Variants in FOXP1 observed in about 807,000 individuals in gnomAD.
The protein encoded by FOXP1 is forkhead box protein P1.
In FOXP1, 15 loss-of-function variants were observed where a neutral mutation model predicts 98.2. The observed-to-expected ratio is 0.15, with a 90% CI of 0.10 to 0.24. The LOEUF is 0.24. Among genes scored for constraint, FOXP1 ranks in the 10% least tolerant of loss-of-function variants. The probability of loss-of-function intolerance (pLI) is 1.00; values close to 1 mark genes in which losing one functional copy is unlikely to be tolerated. For missense variants in FOXP1, 633 were observed against 848.5 expected, an observed-to-expected ratio of 0.75 and a Z score of 3.15; for synonymous variants, 371 against 314.5, an observed-to-expected ratio of 1.18 and a Z score of -1.90.
intron 5 of FOXP1, among the ~76,000 whole-genome samples, chr3:71,200,834 C>A (rs1394270887): frequency 6.6e-6 from 1 of 152,194 alleles, no homozygotes; most frequent in Admixed American, 6.5e-5. Flanking sequence ...TGGATGAAGT[C>A]TGTTTTCTAC....
chr3:71,179,014 A>AAAC (rs1248761935), intron 6 of FOXP1, among the ~76,000 whole-genome samples: 1 of 151,600 alleles, frequency 6.6e-6, no homozygotes, highest in Admixed American at 6.6e-5. Context: ...TCTGTCTAAA[A>AAAC]AAAAAAAAAA....
chr3:71,456,763 C>G (rs1188002208), intron 3 of FOXP1, among the ~76,000 whole-genome samples: 5 of 151,298 alleles, frequency 3.3e-5, no homozygotes, highest in Admixed American at 2.6e-4. Context: ...GGTAATTCTA[C>G]TATCAAAAGC....
chr3:71,120,702 G>A (rs2058698476), intron 6 of FOXP1, among the ~76,000 whole-genome samples: 1 of 152,184 alleles, frequency 6.6e-6, no homozygotes, highest in Non-Finnish European at 1.5e-5. Flanking sequence ...CGTGGGGACG[G>A]TGGGGAAGAG....
intron 3 of FOXP1, among the ~76,000 whole-genome samples, chr3:71,400,794 A>G (rs1346672082): frequency 6.6e-6 from 1 of 152,234 alleles, no homozygotes. Flanking sequence ...AATCTCCCAG[A>G]TCAATGACCT....
At chr3:71,483,513 C>T (rs2090437212) in intron 3 of FOXP1, among the ~76,000 whole-genome samples, 1 of 152,136 alleles carries the variant, frequency 6.6e-6, no homozygotes, top group Non-Finnish European at 1.5e-5. Flanking sequence ...AGTTTTTACT[C>T]TTAAAGGGCT....
chr3:71,150,425 G>A (rs376486779), intron 6 of FOXP1, among the ~76,000 whole-genome samples: 18 of 151,238 alleles, frequency 1.2e-4, no homozygotes, highest in African/African-American at 1.7e-4. Flanking sequence ...GTGTCTATCC[G>A]CCACTTCTCT....
chr3:71,268,061 A>T (rs1389156954), intron 5 of FOXP1, among the ~76,000 whole-genome samples: 6 of 133,142 alleles, frequency 4.5e-5, no homozygotes, highest in Admixed American at 1.5e-4. Flanking sequence ...TTTTAAAATT[A>T]TTTCAGCTTC....
At chr3:71,160,479 A>C (rs76457295) in intron 6 of FOXP1, among the ~76,000 whole-genome samples, 3 of 152,238 alleles carry the variant, frequency 2.0e-5, no homozygotes, top group African/African-American at 7.2e-5. Flanking sequence ...TGTGAAAATC[A>C]AGTGATAAAC....
intron 7 of FOXP1, among the ~76,000 whole-genome samples, chr3:71,079,970 G>A (rs2054234319): frequency 6.6e-6 from 1 of 152,148 alleles, no homozygotes; most frequent in Non-Finnish European, 1.5e-5. Context: ...TAAAAATAAT[G>A]CCTAGAAAGT....
intron 2 of FOXP1, among the ~76,000 whole-genome samples, chr3:71,497,157 C>T (rs762163272): frequency 4.6e-5 from 7 of 150,786 alleles, no homozygotes; most frequent in Non-Finnish European, 8.9e-5. Context: ...AGTACAGAGG[C>T]AAAAACAAAA....
intron 6 of FOXP1, among the ~76,000 whole-genome samples, chr3:71,174,787 C>A (rs770889265): frequency 2.9e-4 from 33 of 114,698 alleles, no homozygotes; most frequent in Non-Finnish European, 5.7e-4. Context: ...CACATGCATA[C>A]ACACACACAC....
chr3:71,138,865 A>T (rs1036688500), intron 6 of FOXP1, among the ~76,000 whole-genome samples: 2 of 152,162 alleles, frequency 1.3e-5, no homozygotes, highest in Non-Finnish European at 2.9e-5. Flanking sequence ...CAACCAAGTC[A>T]AATTACCCTC....
intron 3 of FOXP1, among the ~76,000 whole-genome samples, chr3:71,471,529 A>C (rs2089345743): frequency 6.6e-6 from 1 of 152,190 alleles, no homozygotes; most frequent in South Asian, 2.1e-4. Context: ...TAGTCATTCC[A>C]CAAAGGATTC....
chr3:71,342,474 A>G (rs901236675), intron 4 of FOXP1, among the ~76,000 whole-genome samples: 1 of 152,102 alleles, frequency 6.6e-6, no homozygotes, highest in Non-Finnish European at 1.5e-5. Flanking sequence ...GTTCGAGAAC[A>G]GCCTGATCAG....
intron 4 of FOXP1, chr3:71,334,264 C>G (rs1173607704): frequency 6.6e-6 from 1 of 152,058 alleles, no homozygotes; most frequent in Non-Finnish European, 1.5e-5. Flanking sequence ...AAAAATTAGC[C>G]AGGCGTGGTG....
intron 3 of FOXP1, among the ~76,000 whole-genome samples, chr3:71,421,684 C>T (rs1245219052): frequency 6.6e-6 from 1 of 152,192 alleles, no homozygotes; most frequent in Non-Finnish European, 1.5e-5. Flanking sequence ...CCGCTGGTCT[C>T]AGGACCTCCT....
chr3:71,318,053 C>T (rs1234757783), intron 4 of FOXP1, among the ~76,000 whole-genome samples: 1 of 151,864 alleles, frequency 6.6e-6, no homozygotes, highest in African/African-American at 2.4e-5. Context: ...TATACACACA[C>T]TTTATATAAC....
rs906531283 is a variant in FOXP1 at position 71,007,118 on chromosome 3, A to G, written c.975-6059T>C. Among the ~76,000 whole-genome samples the G allele has an allele frequency of 2.0e-5, 3 of 152,132 alleles. No homozygotes were observed. In the South Asian group the frequency reaches 6.2e-4, roughly 32 times the overall value. ...AAAAAGACATTAAAAGGGGGAAAAA[A>G]TTTTTTTTGGTAACACCCTATTTTT... On this transcript the variant is annotated intron_variant, in intron 12 of 20. Transcript: ENST00000649528.
intron 5 of FOXP1, among the ~76,000 whole-genome samples, chr3:71,223,925 A>G (rs1278822602): frequency 6.6e-6 from 1 of 152,102 alleles, no homozygotes; most frequent in Non-Finnish European, 1.5e-5. Flanking sequence ...CTCATGGGCA[A>G]TGGAAGGATG....
Sources: gnomAD v4.1 joint callset for allele counts (sites outside exome capture counted in the v4.1 genomes callset) on GRCh38, gnomAD v4.1.1 for gene constraint, MANE v1.5 for transcripts, NCBI Gene and HGNC (gene_info 2026-07-23, HGNC 2026-07-21) for gene names.